The following NXN variants were observed in gnomAD, a reference collection of about 807,000 sequenced individuals.
NXN encodes the protein nucleoredoxin 1.
In NXN, 16 loss-of-function variants were observed where a neutral mutation model predicts 48.6. That is an observed-to-expected ratio of 0.33 (90% confidence interval 0.22 to 0.50). NXN has a LOEUF of 0.50. NXN is among the 20% of genes least tolerant of loss of function. NXN has a pLI of 0.98. For synonymous variants in NXN, 281 were observed against 269.6 expected (o/e 1.04, Z -0.41); for missense variants, 492 against 605.5 (o/e 0.81, Z 1.97).
intron 1 of NXN, among the ~76,000 whole-genome samples, chr17:914,767 G>A (rs967934088): frequency 2.6e-5 from 4 of 152,172 alleles, no homozygotes; most frequent in African/African-American, 9.7e-5. Context: ...TGGGAAGCAA[G>A]ACTGTTGGGT....
chr17:816,084 T>A (rs533891770), intron 5 of NXN, among the ~76,000 whole-genome samples: 1 of 152,264 alleles, frequency 6.6e-6, no homozygotes, highest in East Asian at 1.9e-4. Flanking sequence ...TCGGTAACGC[T>A]TGGGAGAGAC....
chr17:916,257 G>A (rs949880932), intron 1 of NXN, among the ~76,000 whole-genome samples: 11 of 152,124 alleles, frequency 7.2e-5, no homozygotes, highest in African/African-American at 2.7e-4. Context: ...AAAGCCACAA[G>A]GAGTGAGGTG....
At position 925,981 on chromosome 17, in the gene NXN, C is replaced by T. The variant is rs566631137; in HGVS notation, c.360+53338G>A. On this transcript the variant is annotated intron_variant, in intron 1 of 7. Coordinates refer to ENST00000336868, the MANE Select transcript of NXN (RefSeq NM_022463.5). Reference sequence around the variant, plus strand: ...TCTTCCCTGATATCACCAATAGTAGCAGCTGATTCTCGTTGCAAAAGAGCC... The same window carrying T: ...TCTTCCCTGATATCACCAATAGTAGTAGCTGATTCTCGTTGCAAAAGAGCC... Among the ~76,000 whole-genome samples, 3 of 152,294 alleles carry T rather than the reference C, an allele frequency of 2.0e-5. No individual in the cohort carries two copies. The East Asian group carries it at 5.8e-4, about 29-fold the overall frequency.
At chr17:833,115 C>T (rs999244340) in intron 1 of NXN, among the ~76,000 whole-genome samples, 2 of 152,028 alleles carry the variant, frequency 1.3e-5, no homozygotes, top group Admixed American at 6.6e-5. Flanking sequence ...ATGGTCTCGA[C>T]CTCCTGACCT....
At chr17:938,795 C>G (rs969786572) in intron 1 of NXN, among the ~76,000 whole-genome samples, 2 of 152,146 alleles carry the variant, frequency 1.3e-5, no homozygotes, top group South Asian at 4.1e-4. Context: ...CGCGGTGGCT[C>G]ATGCCTGTAA....
chr17:848,597 G>A (rs191359963), intron 1 of NXN, among the ~76,000 whole-genome samples: 6 of 152,316 alleles, frequency 3.9e-5, no homozygotes, highest in Admixed American at 1.3e-4. Context: ...GGCTCTGGCC[G>A]GAAAGCCATT....
At chr17:812,183 T>C (rs1912090914) in intron 5 of NXN, among the ~76,000 whole-genome samples, 1 of 151,888 alleles carries the variant, frequency 6.6e-6, no homozygotes, top group South Asian at 2.1e-4. Context: ...CGCCTCGGCC[T>C]CCCAAAGTGC....
intron 1 of NXN, among the ~76,000 whole-genome samples, chr17:918,685 C>G (rs1428314122): frequency 1.3e-5 from 2 of 151,268 alleles, no homozygotes; most frequent in African/African-American, 2.4e-5. Context: ...CCCAGCTACT[C>G]AGGAGGCTGA....
Position 932,750 on chromosome 17 carries a change from T to C in NXN, c.360+46569A>G, listed in dbSNP as rs939953790. ...GTCCCCGGACAAGCAGCTGAGTGGG[T>C]GGGGAGTGCCTTGTTGTGGCCGGCT... On this transcript the variant is annotated intron_variant, in intron 1 of 7. Transcript: ENST00000336868. This position sits in a 1 kb window ranked among gnomAD's most constrained non-coding sequence, Gnocchi z 4.1. Among the ~76,000 whole-genome samples, 1 of 151,918 alleles carries C rather than the reference T, an allele frequency of 6.6e-6. No individual in the cohort carries two copies. Among genetic ancestry groups the C allele is most frequent in the Non-Finnish European group, 1.5e-5 (1 of 67,974 alleles).
intron 1 of NXN, among the ~76,000 whole-genome samples, chr17:925,848 TG>T (rs2068792818): frequency 6.6e-6 from 1 of 152,210 alleles, no homozygotes; most frequent in Non-Finnish European, 1.5e-5. Flanking sequence ...AAGTACATGG[TG>T]GGCTTGCTCC....
chr17:924,070 GTT>G (rs535263185), intron 1 of NXN, among the ~76,000 whole-genome samples: 7 of 142,718 alleles, frequency 4.9e-5, no homozygotes, highest in Admixed American at 1.4e-4. Context: ...TTCTCAAAAA[GTT>G]TTTTTTTTTT....
In NXN at chr17:823,744, G is replaced by A. The variant is rs754733360; in HGVS notation, c.500C>T (p.Pro167Leu). 4.3e-6 allele frequency: 7 copies of A among 1,614,094 alleles called. No individual in the cohort carries two copies. The highest frequency in any genetic ancestry group is 2.2e-5 in the East Asian group (1 of 44,868). The change falls in exon 3 of 8, where the codon CCG becomes CTG. Residue 167 changes from proline (P) to leucine (L), a missense_variant. This residue lies in a region of NXN where 303 missense variants were observed against 388.3 expected (regional missense o/e 0.78). Transcript: ENST00000336868. ...DPEGLEFPWG[P>L]KPFREVIAGP... is the part of the protein sequence containing the mutation. ...TGCAATGACTTCCCTGAAGGGTTTC[G>A]GTCCCCAGGGGAACTCCAGACCTGA...
intron 5 of NXN, 27 bp from the exon 6 acceptor site, chr17:805,274 G>A (rs748136441): frequency 2.6e-5 from 41 of 1,587,604 alleles, no homozygotes; most frequent in Admixed American, 2.6e-4. Context: ...GTGCTTGGCC[G>A]CTGGCCCGGG....
chr17:919,146 C>T lies in NXN; in HGVS notation c.360+60173G>A, dbSNP rs6598834. 0.037 allele frequency among the ~76,000 whole-genome samples: 5,667 copies of T among 151,930 alleles called. 354 individuals are homozygous for T. Among genetic ancestry groups the T allele is most frequent in the African/African-American group, 0.13 (5,310 of 41,386 alleles). The stretch of plus-strand genomic sequence containing the variant: ...ACTTTGGGAGGCTGAGGGTGGATCA[C>T]GAGGTCAGGAGATCGAGACCATCCT... On this transcript the variant is annotated intron_variant, in intron 1 of 7. Transcript: ENST00000336868. This position sits in a 1 kb window ranked among gnomAD's most constrained non-coding sequence, Gnocchi z 5.1.
intron 4 of NXN, 130 bp downstream of exon 4, chr17:822,227 T>C (rs1002430500): frequency 8.4e-6 from 5 of 592,564 alleles, no homozygotes; most frequent in Non-Finnish European, 1.5e-5. Context: ...TGCAGTGAGC[T>C]GAGATCACAC....
chr17:941,322 G>A (rs1238080285), intron 1 of NXN, among the ~76,000 whole-genome samples: 12 of 148,262 alleles, frequency 8.1e-5, no homozygotes, highest in East Asian at 2.1e-4. Context: ...ATTCCAGGGC[G>A]CAGCCATGAA....
At position 969,639 on chromosome 17, in the gene NXN, C is replaced by T. The variant is rs1597287118; in HGVS notation, c.360+9680G>A. Among the ~76,000 whole-genome samples the T allele has an allele frequency of 2.0e-5, 3 of 152,284 alleles. No homozygotes were observed. In the South Asian group the frequency reaches 6.2e-4, roughly 32 times the overall value. ...ATGAGTAACAGATGAGGCAGCTGTGCTGTGAGCCACCACGATCAAAAGAAA... is the reference window on the plus strand; with the variant it reads ...ATGAGTAACAGATGAGGCAGCTGTGTTGTGAGCCACCACGATCAAAAGAAA... On this transcript the variant is annotated intron_variant, in intron 1 of 7. Coordinates refer to ENST00000336868, the MANE Select transcript of NXN (RefSeq NM_022463.5).
At chr17:885,996 C>T (rs574091747) in intron 1 of NXN, among the ~76,000 whole-genome samples, 1 of 152,086 alleles carries the variant, frequency 6.6e-6, no homozygotes, top group African/African-American at 2.4e-5. Context: ...CTGTGGTACT[C>T]ACTTTTAATG....
chr17:812,859 TA>T (rs1912210053), intron 5 of NXN, among the ~76,000 whole-genome samples: 1 of 132,560 alleles, frequency 7.5e-6, no homozygotes, highest in Non-Finnish European at 1.6e-5. Context: ...TGCATGTGTG[TA>T]GGTGTGTGTG....
Sources: gnomAD v4.1 joint callset for allele counts (sites outside exome capture counted in the v4.1 genomes callset) on GRCh38, gnomAD v4.1.1 for gene constraint, gnomAD v4.1.1 regional missense constraint, Gnocchi (gnomAD v3.1) non-coding constraint, MANE v1.5 for transcripts, NCBI Gene and HGNC (gene_info 2026-07-23, HGNC 2026-07-21) for gene names.